The following CSMD2 variants were observed in gnomAD, a reference collection of about 807,000 sequenced individuals.
CSMD2 encodes CUB and sushi domain-containing protein 2.
Under a neutral mutation model 398.5 loss-of-function variants are expected in CSMD2, and 130 were observed. The observed-to-expected ratio is 0.33, with a 90% CI of 0.28 to 0.38. The LOEUF (loss-of-function observed/expected upper bound fraction) is 0.38. CSMD2 is among the 10% of genes least tolerant of loss of function. The pLI, the probability that CSMD2 is intolerant of heterozygous loss-of-function variation, is 1.00. For synonymous variants in CSMD2, 1,828 were observed against 1,908.5 expected, an observed-to-expected ratio of 0.96 and a Z score of 1.10; for missense variants, 3,829 against 4,764.9, an observed-to-expected ratio of 0.80 and a Z score of 5.78.
chr1:34,041,849 C>T (rs983059656), intron 2 of CSMD2, among the ~76,000 whole-genome samples: 4 of 152,208 alleles, frequency 2.6e-5, no homozygotes, highest in African/African-American at 9.7e-5. Flanking sequence ...CACTTGGGCT[C>T]CACGCAGAGA....
At chr1:33,910,081 T>C (rs1293018323) in intron 5 of CSMD2, among the ~76,000 whole-genome samples, 1 of 151,720 alleles carries the variant, frequency 6.6e-6, no homozygotes, top group African/African-American at 2.4e-5. Flanking sequence ...TGGATTCTCT[T>C]GCCTGCAGAG....
chr1:34,165,279 A>C, upstream of CSMD2: 1 of 1,187,332 alleles, frequency 8.4e-7, no homozygotes, highest in Admixed American at 4.3e-5. Context: ...GCTCTCGGAA[A>C]TGACTCGCTC....
chr1:33,777,831 C>T (rs952127816), intron 12 of CSMD2, among the ~76,000 whole-genome samples: 4 of 152,162 alleles, frequency 2.6e-5, no homozygotes, highest in Non-Finnish European at 5.9e-5. Context: ...CACTCTTCTC[C>T]CCAGGTTTTT....
At chr1:33,676,192 T>C (rs1217790350) in intron 25 of CSMD2, among the ~76,000 whole-genome samples, 1 of 152,228 alleles carries the variant, frequency 6.6e-6, no homozygotes, top group East Asian at 1.9e-4. Flanking sequence ...GATGACATGA[T>C]TGTATATCTA....
At chr1:34,076,474 C>T (rs530952238) in intron 2 of CSMD2, among the ~76,000 whole-genome samples, 35 of 152,304 alleles carry the variant, frequency 2.3e-4, no homozygotes, top group African/African-American at 8.4e-4. Context: ...AATCCCTGGC[C>T]TCAACCTAGT....
intron 5 of CSMD2, among the ~76,000 whole-genome samples, chr1:33,866,773 C>T (rs1371914550): frequency 6.6e-6 from 1 of 152,240 alleles, no homozygotes. Context: ...CATACAAGTT[C>T]ACTTGATGCC....
chr1:33,717,124 G>C (rs1355250989), intron 19 of CSMD2, among the ~76,000 whole-genome samples: 1 of 152,066 alleles, frequency 6.6e-6, no homozygotes, highest in Admixed American at 6.6e-5. Flanking sequence ...TATGTGTAAA[G>C]GGACTGTCAA....
intron 57 of CSMD2, 75 bp from the exon 58 acceptor site, chr1:33,542,971 G>T: frequency 7.6e-7 from 1 of 1,310,632 alleles, no homozygotes; most frequent in Non-Finnish European, 1.1e-6. Flanking sequence ...ACTGCCCAGA[G>T]TGGAAGCCAC....
rs1263746359 is a variant in CSMD2, at chr1:34,097,014, C to T, written c.188-7821G>A. Among the ~76,000 whole-genome samples, 917 of 149,352 alleles carry T rather than the reference C, an allele frequency of 6.1e-3. 8 individuals carry two copies. The highest frequency in any genetic ancestry group is 7.5e-3 in the Non-Finnish European group (505 of 67,466). ...TCACACTACCTGACTTCAAACTATA[C>T]CACAAGGCTACAGTAACCAAAACAG... On this transcript the variant is annotated intron_variant, in intron 1 of 70. Coordinates refer to ENST00000373381, the MANE Select transcript of CSMD2 (RefSeq NM_001281956.2).
intron 64 of CSMD2, among the ~76,000 whole-genome samples, chr1:33,529,886 A>G (rs1655091960): frequency 1.3e-5 from 2 of 152,220 alleles, no homozygotes; most frequent in South Asian, 4.1e-4. Context: ...TACCTTATAA[A>G]GGCCTTGTAT....
chr1:33,517,010 C>T (rs1248161838), intron 70 of CSMD2, among the ~76,000 whole-genome samples: 2 of 151,716 alleles, frequency 1.3e-5, no homozygotes, highest in Non-Finnish European at 2.9e-5. Context: ...ATTTTTGATA[C>T]TTTTTTTTAA....
intron 5 of CSMD2, among the ~76,000 whole-genome samples, chr1:33,903,992 G>A (rs565894506): frequency 5.9e-4 from 90 of 152,286 alleles, no homozygotes; most frequent in African/African-American, 2.1e-3. Context: ...CCCACCCTAG[G>A]GACAGGATGA....
chr1:33,965,789 C>T (rs149861589), intron 3 of CSMD2, among the ~76,000 whole-genome samples: 2 of 152,300 alleles, frequency 1.3e-5, no homozygotes, highest in African/African-American at 2.4e-5. Flanking sequence ...ATAGGTTCCT[C>T]GGTGACCTGT....
At chr1:33,807,848 C>G (rs1242497837) in intron 10 of CSMD2, among the ~76,000 whole-genome samples, 1 of 151,970 alleles carries the variant, frequency 6.6e-6, no homozygotes, top group Non-Finnish European at 1.5e-5. Context: ...GACAAATGGT[C>G]AGAGGGGATT....
Position 34,165,102 on chromosome 1 carries a change from C to CGGCCGGCAGCGCCGA in CSMD2, c.-20_-6dup. 8.2e-7 allele frequency: 1 copy of CGGCCGGCAGCGCCGA among 1,214,148 alleles called. No homozygotes were observed. Among genetic ancestry groups the CGGCCGGCAGCGCCGA allele is most frequent in the Non-Finnish European group, 1.0e-6 (1 of 976,482 alleles). 75.2% of individuals were successfully genotyped at this position (1,214,148 alleles called of 1,614,324 possible). A position where few individuals can be genotyped will look rare whatever the true frequency, so the allele number is the denominator to read the frequency against. On this transcript the variant is annotated 5_prime_UTR_variant, in exon 1 of 71. Transcript: ENST00000373381. ...CCGTCCCCGCGAGCGCGGCATGGCG[C>CGGCCGGCAGCGCCGA]GGCCGGCAGCGCCGAGGGAGAGGCT...
Position 34,083,126 on chromosome 1 carries a change from A to T in CSMD2, c.404+5851T>A, listed in dbSNP as rs528057337. Among the ~76,000 whole-genome samples the T allele has an allele frequency of 9.2e-5, 14 of 152,184 alleles. No homozygotes were observed. The East Asian group carries it at 2.7e-3, about 29-fold the overall frequency. On this transcript the variant is annotated intron_variant, in intron 2 of 70. Transcript: ENST00000373381. ...TCAAGGAAGCAGAGATAGAAAACAT[A>T]GGCAGCTCTTTGGAGAATTGTCTGG... is the stretch of plus-strand genomic sequence containing the variant.
chr1:34,103,353 C>A (rs1660189977), intron 1 of CSMD2, among the ~76,000 whole-genome samples: 1 of 134,010 alleles, frequency 7.5e-6, no homozygotes, highest in Admixed American at 8.7e-5. Context: ...GGCTGGAGTG[C>A]AGTGGTGCGA....
At chr1:33,774,834 A>G (rs1368384066) in intron 12 of CSMD2, among the ~76,000 whole-genome samples, 2 of 151,868 alleles carry the variant, frequency 1.3e-5, no homozygotes, top group Non-Finnish European at 2.9e-5. Flanking sequence ...GCCCACATCC[A>G]CCCACCCATC....
Position 33,611,109 on chromosome 1 carries a change from T to C in CSMD2, c.6275A>G (p.His2092Arg). ...ELPSSLLSTSHETTVYFHSDH... is the reference protein window; with the variant it reads ...ELPSSLLSTSRETTVYFHSDH... ...GCTGTGGAAATACACGGTGGTCTCG[T>C]GGGACGTGGAGAGGAGGGAGCTTGG... The change falls in exon 41 of 71, where the codon CAC (histidine) becomes CGC (arginine). Residue 2092 changes from histidine to arginine, a missense_variant. By Grantham distance (29) the His-to-Arg change is conservative. Around this residue, in one of 5 missense-constraint regions of CSMD2, gnomAD observed 2,001 missense variants for 2,567.1 expected, o/e 0.78. Coordinates refer to ENST00000373381, the MANE Select transcript of CSMD2 (RefSeq NM_001281956.2). 2 of 1,613,994 alleles carry C rather than the reference T, an allele frequency of 1.2e-6. No homozygotes were observed. Among genetic ancestry groups the C allele is most frequent in the South Asian group, 1.1e-5 (1 of 91,028 alleles).
Sources: gnomAD v4.1 joint callset for allele counts (sites outside exome capture counted in the v4.1 genomes callset) on GRCh38, gnomAD v4.1.1 for gene constraint, gnomAD v4.1.1 regional missense constraint, MANE v1.5 for transcripts, NCBI Gene and HGNC (gene_info 2026-07-23, HGNC 2026-07-21) for gene names.